BAG4: variants seen among roughly 807,000 people sequenced by gnomAD.
BAG4 encodes the protein BAG cochaperone 4.
In BAG4, 28 loss-of-function variants were observed where a neutral mutation model predicts 52.1. That is an observed-to-expected ratio of 0.54 (90% CI 0.40 to 0.74). The LOEUF (loss-of-function observed/expected upper bound fraction) is 0.74. BAG4 is among the 30% of genes least tolerant of loss of function. BAG4 has a pLI of 0.00. For synonymous variants in BAG4, 208 were observed against 217.0 expected (o/e 0.96, Z 0.37); for missense variants, 525 against 572.0 (o/e 0.92, Z 0.84).
chr8:38,210,624 A>G lies in BAG4; in HGVS notation c.*131A>G. ...CATTCCAGCTTTCCTTTGATTTTAT[A>G]CTTGAAAAACTGGCAAAGGAATGGA... is the stretch of plus-strand genomic sequence containing the variant. On this transcript the variant is annotated 3_prime_UTR_variant, in exon 5 of 5. Transcript: ENST00000287322. 8.3e-7 allele frequency: 1 copy of G among 1,210,712 alleles called. No individual in the cohort carries two copies. Among genetic ancestry groups the G allele is most frequent in the Non-Finnish European group, 1.1e-6 (1 of 899,382 alleles). The allele number at this position is 1,210,712 out of a possible 1,614,324, so 75.0% of individuals were successfully genotyped here. A position where few individuals can be genotyped will look rare whatever the true frequency, so the allele number is the denominator to read the frequency against.
chr8:38,194,627 G>C (rs1410548211), intron 2 of BAG4, among the ~76,000 whole-genome samples: 2 of 151,088 alleles, frequency 1.3e-5, no homozygotes, highest in African/African-American at 4.9e-5. Flanking sequence ...TGTTGGCCAG[G>C]CTGGTCTCGA....
In BAG4 at chr8:38,209,162, G is replaced by A. The variant is rs146791444; in HGVS notation, c.783G>A (p.Ala261=). The change falls in exon 4 of 5, where the codon GCG becomes GCA. Residue 261 remains alanine (A), a synonymous_variant. Coordinates refer to ENST00000287322, the MANE Select transcript of BAG4 (RefSeq NM_004874.4). ...MGGRYPWPSS[A]PSAPPGNLYM... is the part of the protein sequence containing the mutation. Reference sequence around the variant, plus strand: ...GCCGTTATCCCTGGCCTTCATCAGCGCCCTCAGCACCACCCGGCAATCTCT... The same window carrying A: ...GCCGTTATCCCTGGCCTTCATCAGCACCCTCAGCACCACCCGGCAATCTCT... 20 of 1,613,932 alleles carry A rather than the reference G, an allele frequency of 1.2e-5. No homozygotes were observed. The highest frequency in any genetic ancestry group is 9.9e-5 in the South Asian group (9 of 91,076).
chr8:38,184,589 T>A (rs1368689568), intron 1 of BAG4, among the ~76,000 whole-genome samples: 1 of 152,016 alleles, frequency 6.6e-6, no homozygotes, highest in East Asian at 1.9e-4. Flanking sequence ...GACGTTCGGG[T>A]CGGAGAGTGT....
chr8:38,183,331 G>A (rs1025689640), intron 1 of BAG4, among the ~76,000 whole-genome samples: 20 of 152,178 alleles, frequency 1.3e-4, no homozygotes, highest in African/African-American at 4.6e-4. Flanking sequence ...ACAGGCATGA[G>A]CCACTGTGCC....
intron 2 of BAG4, among the ~76,000 whole-genome samples, chr8:38,194,473 A>G (rs549594470): frequency 2.1e-5 from 3 of 142,990 alleles, no homozygotes; most frequent in Non-Finnish European, 4.5e-5. Flanking sequence ...CTGGAGTGCA[A>G]TAGCGCGATC....
rs1803796708 is a variant in BAG4 at position 38,207,723 on chromosome 8, C to T, written c.590C>T (p.Ala197Val). Residue 197 changes from alanine to valine, a missense_variant, in exon 3 of 5, where the codon GCA becomes GTA. Physicochemically the swap from Ala to Val is moderately conservative, Grantham distance 64 (BLOSUM62 0). Around this residue, in one of 2 missense-constraint regions of BAG4, gnomAD observed 287 missense variants for 266.1 expected, o/e 1.08. Transcript: ENST00000287322. ...IYPQQDCQTE[A>V]PPLRGQVPGY... ...CCCCAGCAGGACTGTCAGACTGAAGCACCCCCTCTTAGGGGGCAGGTTCCA... is the reference window on the plus strand; with the variant it reads ...CCCCAGCAGGACTGTCAGACTGAAGTACCCCCTCTTAGGGGGCAGGTTCCA... 2 of 1,614,156 alleles carry T rather than the reference C, an allele frequency of 1.2e-6. No individual in the cohort carries two copies. Among genetic ancestry groups the T allele is most frequent in the African/African-American group, 1.3e-5 (1 of 75,044 alleles).
chr8:38,199,598 A>T (rs867223752), intron 2 of BAG4, among the ~76,000 whole-genome samples: 3 of 150,256 alleles, frequency 2.0e-5, no homozygotes, highest in Non-Finnish European at 4.4e-5. Context: ...ATCTTGGCTC[A>T]CTACAAGCTC....
At chr8:38,183,887 A>G (rs971781646) in intron 1 of BAG4, among the ~76,000 whole-genome samples, 8 of 152,162 alleles carry the variant, frequency 5.3e-5, no homozygotes, top group African/African-American at 1.9e-4. Flanking sequence ...GGCTTTGTAT[A>G]TATTTTGTCC....
Position 38,176,882 on chromosome 8 carries a change from AG to A in BAG4, c.15del (p.Arg5SerfsTer115). On this transcript the variant is annotated frameshift_variant, in exon 1 of 5. Transcript: ENST00000287322. LOFTEE classifies it high-confidence loss of function. MSAL[R>X]RSGYGPSDGP... ...GGCAGCGGATCCCATGTCGGCCCTGAGGCGCTCGGGCTACGGCCCCAGTGAC... is the reference window on the plus strand; with the variant it reads ...GGCAGCGGATCCCATGTCGGCCCTGAGCGCTCGGGCTACGGCCCCAGTGAC... 1 of 1,539,672 alleles carries A rather than the reference AG, an allele frequency of 6.5e-7. No homozygotes were observed. Among genetic ancestry groups the A allele is most frequent in the Non-Finnish European group, 8.8e-7 (1 of 1,141,726 alleles).
intron 2 of BAG4, 115 bp downstream of exon 2, chr8:38,192,910 T>A: frequency 1.5e-6 from 1 of 674,358 alleles, no homozygotes; most frequent in Non-Finnish European, 2.4e-6. Flanking sequence ...TTTGCTTTAA[T>A]GGGCTCCATC....
intron 1 of BAG4, among the ~76,000 whole-genome samples, chr8:38,183,719 C>A (rs552357392): frequency 1.3e-5 from 2 of 151,730 alleles, no homozygotes; most frequent in African/African-American, 4.8e-5. Context: ...AACAGGTTCT[C>A]ACTGTATTCC....
At chr8:38,204,731 T>C (rs1803740190) in intron 2 of BAG4, among the ~76,000 whole-genome samples, 1 of 151,780 alleles carries the variant, frequency 6.6e-6, no homozygotes, top group South Asian at 2.1e-4. Flanking sequence ...GCAATGAGAA[T>C]CACACACTAA....
intron 2 of BAG4, among the ~76,000 whole-genome samples, chr8:38,194,675 A>G (rs1803533161): frequency 6.6e-6 from 1 of 151,574 alleles, no homozygotes; most frequent in African/African-American, 2.4e-5. Context: ...TGGCCTCCCA[A>G]AGTGCTGGGA....
chr8:38,177,253 G>A (rs1585647090), intron 1 of BAG4, 114 bp downstream of exon 1: 5 of 1,402,678 alleles, frequency 3.6e-6, no homozygotes, highest in Non-Finnish European at 4.8e-6. Flanking sequence ...GTGTTGCGGG[G>A]GGTGTTGGAG....
At position 38,197,119 on chromosome 8, in the gene BAG4, T is replaced by A. The variant is rs528367663; in HGVS notation, c.378+4324T>A. On this transcript the variant is annotated intron_variant, in intron 2 of 4. Transcript: ENST00000287322. ...ATTCCTTGACCATTTTAAAATTGGG[T>A]TGTCTTTTTATTGTTGAGTTTTAAG... Among the ~76,000 whole-genome samples the A allele has an allele frequency of 8.5e-5, 13 of 152,200 alleles. No homozygotes were observed. The South Asian group carries it at 2.7e-3, about 31-fold the overall frequency.
chr8:38,207,035 C>A (rs907630115), intron 2 of BAG4, among the ~76,000 whole-genome samples: 1 of 151,394 alleles, frequency 6.6e-6, no homozygotes, highest in Non-Finnish European at 1.5e-5. Context: ...TCACTGCAAC[C>A]TCCGCCTCCT....
In BAG4 at chr8:38,212,750, C is replaced by T. The variant is rs1204653966; in HGVS notation, c.*2257C>T. On this transcript the variant is annotated 3_prime_UTR_variant, in exon 5 of 5. Transcript: ENST00000287322. ...GCTAGGATTCGCTACTGTAAACTTA[C>T]TGTGTTTTCCTTGTAATTATTGAAT... is the stretch of plus-strand genomic sequence containing the variant. The T allele has an allele frequency of 6.6e-6, 1 of 152,168 alleles. No individual in the cohort carries two copies. The highest frequency in any genetic ancestry group is 1.5e-5 in the Non-Finnish European group (1 of 68,034). 9.4% of individuals were successfully genotyped at this position (152,168 alleles called of 1,614,324 possible).
At chr8:38,204,444 C>CA (rs111496571) in intron 2 of BAG4, among the ~76,000 whole-genome samples, 36,604 of 151,458 alleles carry the variant, frequency 0.24, 4,572 homozygotes, top group East Asian at 0.31. Context: ...TGCTTGAGCC[C>CA]GGAGTTTGAG....
intron 1 of BAG4, among the ~76,000 whole-genome samples, chr8:38,181,007 C>T (rs1803256040): frequency 6.7e-6 from 1 of 148,612 alleles, no homozygotes; most frequent in Non-Finnish European, 1.5e-5. Flanking sequence ...GTGGCCTGAT[C>T]TCGGCTCACC....
Sources: gnomAD v4.1 joint callset for allele counts (sites outside exome capture counted in the v4.1 genomes callset) on GRCh38, gnomAD v4.1.1 for gene constraint, gnomAD v4.1.1 regional missense constraint, MANE v1.5 for transcripts, NCBI Gene and HGNC (gene_info 2026-07-23, HGNC 2026-07-21) for gene names.